IKBKB: variants seen among roughly 807,000 people sequenced by gnomAD.
IKBKB encodes inhibitor of nuclear factor kappa B kinase subunit beta, also known as inhibitor of nuclear factor kappa-B kinase subunit beta.
In IKBKB, 42 loss-of-function variants were observed where a neutral mutation model predicts 113.6. The ratio of observed to expected loss-of-function variants is 0.37; its 90% CI spans 0.29 to 0.48. The LOEUF (loss-of-function observed/expected upper bound fraction) is 0.48, where lower values mean the gene tolerates loss of function less well. Among genes scored for constraint, IKBKB ranks in the 20% least tolerant of loss-of-function variants. IKBKB has a pLI of 0.99. For missense variants in IKBKB, 673 were observed against 939.7 expected (o/e 0.72, Z 3.71); for synonymous variants, 296 against 361.3 (o/e 0.82, Z 2.05).
In IKBKB at chr8:42,322,077, C is replaced by T; in HGVS notation, c.1762C>T (p.Gln588Ter). The T allele has an allele frequency of 6.2e-7, 1 of 1,613,940 alleles. No homozygotes were observed. The highest frequency in any genetic ancestry group is 8.5e-7 in the Non-Finnish European group (1 of 1,179,964). Reference sequence around the variant, plus strand: ...AGACCAGCGAACTGAGGGTGACAGTCAGGAAATGGTACGGCTGCTGCTTCA... The same window carrying T: ...AGACCAGCGAACTGAGGGTGACAGTTAGGAAATGGTACGGCTGCTGCTTCA... The part of the protein sequence containing the change: ...PRDQRTEGDS[Q>*]EMVRLLLQAI... Residue 588 changes from glutamine to a stop codon, truncating the protein, a stop_gained, in exon 18 of 22, where the codon CAG (glutamine) becomes TAG (stop). Coordinates refer to ENST00000520810, the MANE Select transcript of IKBKB (RefSeq NM_001556.3). LOFTEE classifies it high-confidence loss of function.
At chr8:42,315,509 G>A (rs978421847) in intron 9 of IKBKB, among the ~76,000 whole-genome samples, 1 of 152,148 alleles carries the variant, frequency 6.6e-6, no homozygotes, top group Non-Finnish European at 1.5e-5. Flanking sequence ...CAGGAGGCAG[G>A]CTCTGCAGGG....
chr8:42,284,086 GTGC>G (rs1488278612), intron 2 of IKBKB, among the ~76,000 whole-genome samples: 2 of 152,202 alleles, frequency 1.3e-5, no homozygotes, highest in South Asian at 2.1e-4. Context: ...AGTCGGCTCA[GTGC>G]TGCTATCACA....
At chr8:42,298,242 G>A (rs1238869169) in intron 5 of IKBKB, 3 of 985,270 alleles carry the variant, frequency 3.0e-6, no homozygotes, top group Non-Finnish European at 3.6e-6. Context: ...TCTGCTGGGC[G>A]GGCCTGGGTC....
In IKBKB at chr8:42,306,408, A is replaced by G; in HGVS notation, c.543A>G (p.Ser181=). The change falls in exon 7 of 22, where the codon TCA becomes TCG. Residue 181 remains serine, a synonymous_variant. Coordinates refer to ENST00000520810, the MANE Select transcript of IKBKB (RefSeq NM_001556.3). ...TGGATCAGGGCAGTCTTTGCACATCATTCGTGGGGACCCTGCAGTACCTGG... is the reference window on the plus strand; with the variant it reads ...TGGATCAGGGCAGTCTTTGCACATCGTTCGTGGGGACCCTGCAGTACCTGG... ...KELDQGSLCT[S]FVGTLQYLAP... 6.2e-7 allele frequency: 1 copy of G among 1,612,980 alleles called. No individual in the cohort carries two copies. The highest frequency in any genetic ancestry group is 8.5e-7 in the Non-Finnish European group (1 of 1,178,994).
intron 13 of IKBKB, among the ~76,000 whole-genome samples, chr8:42,319,025 G>A (rs943534628): frequency 1.3e-5 from 2 of 152,132 alleles, no homozygotes; most frequent in Admixed American, 1.3e-4. Context: ...ATTGTGACTC[G>A]TTTGCCAACA....
At chr8:42,319,155 T>C (rs763221751) in intron 13 of IKBKB, 115 bp from the exon 14 acceptor site, 6 of 918,216 alleles carry the variant, frequency 6.5e-6, no homozygotes, top group Non-Finnish European at 8.4e-6. Context: ...ATAGTGATGA[T>C]GATAATAATT....
chr8:42,297,976 C>T lies in IKBKB; in HGVS notation c.388+4464C>T, dbSNP rs567795163. ...TGCATCCTGGCCAGGACTCTTCTGC[C>T]AGACCATCACTCCATGCTGATAGGA... On this transcript the variant is annotated intron_variant, in intron 5 of 21. Coordinates refer to ENST00000520810, the MANE Select transcript of IKBKB (RefSeq NM_001556.3). The T allele has an allele frequency of 5.1e-5, 23 of 454,748 alleles. No homozygotes were observed. The South Asian group carries it at 1.8e-3, about 36-fold the overall frequency. 28.2% of individuals were successfully genotyped at this position (454,748 alleles called of 1,614,324 possible).
At chr8:42,283,261 G>A (rs1262754699) in intron 2 of IKBKB, among the ~76,000 whole-genome samples, 5 of 152,128 alleles carry the variant, frequency 3.3e-5, no homozygotes, top group African/African-American at 1.2e-4. Flanking sequence ...TTTTGGATCT[G>A]ATGATCTGTC....
intron 4 of IKBKB, among the ~76,000 whole-genome samples, 155 bp from the exon 5 acceptor site, chr8:42,293,288 G>T (rs1402861942): frequency 6.6e-6 from 1 of 152,148 alleles, no homozygotes; most frequent in Non-Finnish European, 1.5e-5. Context: ...GCCAATCCCT[G>T]CTAGTTCTGC....
At chr8:42,321,660 T>A in intron 16 of IKBKB, 1 of 471,822 alleles carries the variant, frequency 2.1e-6, no homozygotes, top group Admixed American at 3.6e-5. Context: ...TAACCGGGAC[T>A]ACAGGCGCAT....
At chr8:42,292,670 G>A (rs768584072) in intron 4 of IKBKB, among the ~76,000 whole-genome samples, 2 of 152,194 alleles carry the variant, frequency 1.3e-5, no homozygotes, top group African/African-American at 2.4e-5. Context: ...CAGATGGGAA[G>A]CTCCTCTCTC....
chr8:42,292,991 C>T (rs1363270493), intron 4 of IKBKB, among the ~76,000 whole-genome samples: 2 of 152,204 alleles, frequency 1.3e-5, no homozygotes. Flanking sequence ...GTAGTAAGTG[C>T]TCAGTAACTG....
At chr8:42,318,254 C>A (rs1385887217) in intron 12 of IKBKB, among the ~76,000 whole-genome samples, 1 of 150,648 alleles carries the variant, frequency 6.6e-6, no homozygotes, top group Non-Finnish European at 1.5e-5. Context: ...AAGAGCGAGA[C>A]CTTGTCTCAA....
chr8:42,282,945 C>T (rs950356993), intron 2 of IKBKB, among the ~76,000 whole-genome samples: 5 of 152,190 alleles, frequency 3.3e-5, no homozygotes, highest in African/African-American at 4.8e-5. Flanking sequence ...GTTAGGATTT[C>T]GCCTCAACTC....
rs1817133660 is a variant in IKBKB, at chr8:42,309,014, G to A, written c.681G>A (p.Gln227=). ...TCCGGCCCTTCCTCCCCAACTGGCA[G>A]CCCGTGCAGTGGTGAGTGGGCCCGG... ...TGFRPFLPNW[Q]PVQWHSKVRQ... The change falls in exon 8 of 22, where the codon CAG becomes CAA. Residue 227 remains glutamine, a synonymous_variant. Transcript: ENST00000520810. 1 of 1,613,954 alleles carries A rather than the reference G, an allele frequency of 6.2e-7. No homozygotes were observed. Among genetic ancestry groups the A allele is most frequent in the East Asian group, 2.2e-5 (1 of 44,892 alleles).
At chr8:42,313,095 C>A (rs1350863324) in intron 8 of IKBKB, among the ~76,000 whole-genome samples, 2 of 152,160 alleles carry the variant, frequency 1.3e-5, no homozygotes, top group Non-Finnish European at 2.9e-5. Context: ...ACTTGGTTAT[C>A]TATGAAGTAT....
rs796458989 is a variant in IKBKB at position 42,274,786 on chromosome 8, G to A, written c.105+2581G>A. ...GAACTTAGGTGATCCCCGCCGGCGC[G>A]CCCCCCCCCCCCCCCGCCATCCCAG... On this transcript the variant is annotated intron_variant, in intron 2 of 21. Transcript: ENST00000520810. Among the ~76,000 whole-genome samples, 5 of 5,538 alleles carry A rather than the reference G, an allele frequency of 9.0e-4. 1 individual carries two copies. The highest frequency in any genetic ancestry group is 3.4e-3 in the African/African-American group (3 of 882). The allele number at this position is 5,538 out of a possible 152,430, so 3.6% of individuals were successfully genotyped here.
At chr8:42,272,002 T>C in intron 1 of IKBKB, 81 bp from the exon 2 acceptor site, 5 of 1,327,104 alleles carry the variant, frequency 3.8e-6, no homozygotes, top group Non-Finnish European at 5.2e-6. Flanking sequence ...AGAGCAGTGG[T>C]ATCTCTTGCC....
At chr8:42,289,409 T>C (rs1812101847) in intron 3 of IKBKB, among the ~76,000 whole-genome samples, 1 of 152,294 alleles carries the variant, frequency 6.6e-6, no homozygotes, top group East Asian at 1.9e-4. Flanking sequence ...ACTTTTCTTT[T>C]GTCAGCAAAA....
Sources: allele counts gnomAD v4.1 joint callset (sites outside exome capture counted in the v4.1 genomes callset), GRCh38; gene constraint gnomAD v4.1.1; transcripts MANE v1.5; gene names NCBI Gene and HGNC (gene_info 2026-07-23, HGNC 2026-07-21).